Variants in TAS2R1 observed in about 807,000 individuals in gnomAD.
TAS2R1 encodes taste 2 receptor member 1.
For missense variants in TAS2R1, 370 were observed against 353.4 expected (o/e 1.05, Z -0.38); for synonymous variants, 141 against 134.2 (o/e 1.05, Z -0.35).
rs150232249 is a variant in TAS2R1 at position 9,654,284 on chromosome 5, G to T, written c.-81+5137C>A. On this transcript the variant is annotated intron_variant, in intron 2 of 2. Coordinates refer to the TAS2R1 transcript ENST00000506620. ...TGCTTTTTTAAAATAATAATAATAAGAAGAAGAATAAGAATATTTTGTGCT... is the reference window on the plus strand; with the variant it reads ...TGCTTTTTTAAAATAATAATAATAATAAGAAGAATAAGAATATTTTGTGCT... Among the ~76,000 whole-genome samples the T allele has an allele frequency of 7.6e-3, 1,162 of 152,122 alleles. 13 individuals carry two copies. Among genetic ancestry groups the T allele is most frequent in the African/African-American group, 0.022 (933 of 41,516 alleles).
the TAS2R1 span, among the ~76,000 whole-genome samples, chr5:9,857,946 C>T: frequency 2.6e-5 from 4 of 152,054 alleles, no homozygotes; most frequent in Non-Finnish European, 5.9e-5. Context: ...GTGCCTGGGT[C>T]TGCAGGTGCC....
the TAS2R1 span, among the ~76,000 whole-genome samples, chr5:9,787,101 G>A: frequency 6.6e-6 from 1 of 152,136 alleles, no homozygotes. Context: ...AAGAGACAGA[G>A]ATGTTGCGCC....
chr5:9,875,606 A>T, the TAS2R1 span, among the ~76,000 whole-genome samples: 1 of 152,156 alleles, frequency 6.6e-6, no homozygotes, highest in African/African-American at 2.4e-5. Context: ...GAGAAGGGAG[A>T]TCTGGTGCAC....
At chr5:9,780,850 C>A in the TAS2R1 span, among the ~76,000 whole-genome samples, 1 of 152,188 alleles carries the variant, frequency 6.6e-6, no homozygotes, top group Admixed American at 6.5e-5. Context: ...GAGGAATAGG[C>A]CTCATGCAAG....
the TAS2R1 span, among the ~76,000 whole-genome samples, chr5:9,833,716 T>C: frequency 6.6e-6 from 1 of 152,184 alleles, no homozygotes; most frequent in Non-Finnish European, 1.5e-5. Context: ...GAGTGAAACA[T>C]ATGAATATAA....
the TAS2R1 span, among the ~76,000 whole-genome samples, chr5:9,852,894 C>T: frequency 2.6e-5 from 4 of 152,024 alleles, no homozygotes. Flanking sequence ...GGCATCATTC[C>T]CAGTCAATGA....
intron 1 of TAS2R1, among the ~76,000 whole-genome samples, chr5:9,694,974 TC>T (rs1320938147): frequency 6.6e-6 from 1 of 152,226 alleles, no homozygotes; most frequent in Non-Finnish European, 1.5e-5. Context: ...AAATCCTTTC[TC>T]CTTCCAGTTC....
chr5:9,787,558 G>T, the TAS2R1 span, among the ~76,000 whole-genome samples: 1 of 152,300 alleles, frequency 6.6e-6, no homozygotes, highest in South Asian at 2.1e-4. Flanking sequence ...AATGTTTGCT[G>T]ATCTCTCTAA....
the TAS2R1 span, among the ~76,000 whole-genome samples, chr5:9,815,980 C>T: frequency 1.3e-5 from 2 of 152,200 alleles, no homozygotes; most frequent in African/African-American, 2.4e-5. Context: ...TATGTGTATG[C>T]CCTAACTAAT....
the TAS2R1 span, among the ~76,000 whole-genome samples, chr5:9,898,844 T>G: frequency 6.6e-6 from 1 of 152,144 alleles, no homozygotes; most frequent in Non-Finnish European, 1.5e-5. Flanking sequence ...ACCCACAATA[T>G]TCCAACGATC....
chr5:9,845,464 C>T, the TAS2R1 span, among the ~76,000 whole-genome samples: 1 of 152,064 alleles, frequency 6.6e-6, no homozygotes, highest in African/African-American at 2.4e-5. Context: ...GGGCAAGCTC[C>T]AGATTCAAGG....
chr5:9,763,559 G>A, the TAS2R1 span, among the ~76,000 whole-genome samples: 1 of 152,076 alleles, frequency 6.6e-6, no homozygotes, highest in Admixed American at 6.5e-5. Flanking sequence ...GCTAGAATTT[G>A]TTCTGTGACT....
the TAS2R1 span, among the ~76,000 whole-genome samples, chr5:9,752,613 T>C: frequency 6.6e-6 from 1 of 152,182 alleles, no homozygotes; most frequent in Non-Finnish European, 1.5e-5. Context: ...GTTTGTTACA[T>C]ATGTGTACAT....
At chr5:9,781,719 T>G in the TAS2R1 span, among the ~76,000 whole-genome samples, 1 of 152,242 alleles carries the variant, frequency 6.6e-6, no homozygotes, top group African/African-American at 2.4e-5. Context: ...TCCCTCTGCC[T>G]GGGATCTGCT....
chr5:9,842,372 G>C, the TAS2R1 span, among the ~76,000 whole-genome samples: 1 of 142,572 alleles, frequency 7.0e-6, no homozygotes, highest in Non-Finnish European at 1.5e-5. Flanking sequence ...CCAGGCTGGA[G>C]TGCAGTGGCA....
chr5:9,816,861 T>C, the TAS2R1 span, among the ~76,000 whole-genome samples: 7 of 152,276 alleles, frequency 4.6e-5, no homozygotes, highest in African/African-American at 1.7e-4. Context: ...TTTAAGACAA[T>C]GCAAAATAAA....
chr5:9,878,862 T>C, the TAS2R1 span, among the ~76,000 whole-genome samples: 2 of 152,232 alleles, frequency 1.3e-5, no homozygotes, highest in South Asian at 2.1e-4. Context: ...CCCTGTGTGG[T>C]CCTGAGTGAG....
chr5:9,775,692 G>A, the TAS2R1 span, among the ~76,000 whole-genome samples: 3 of 152,100 alleles, frequency 2.0e-5, no homozygotes, highest in Admixed American at 2.0e-4. Flanking sequence ...CTTCAAGGCA[G>A]TGGGTTCCCT....
chr5:9,755,218 G>GTACTTGGA, the TAS2R1 span, among the ~76,000 whole-genome samples: 2 of 152,152 alleles, frequency 1.3e-5, no homozygotes, highest in East Asian at 3.9e-4. Flanking sequence ...CGAGAGAGTA[G>GTACTTGGA]TACTTGGATA....
Sources: allele counts gnomAD v4.1 joint callset (sites outside exome capture counted in the v4.1 genomes callset), GRCh38; gene constraint gnomAD v4.1.1; transcripts MANE v1.5; gene names NCBI Gene and HGNC (gene_info 2026-07-23, HGNC 2026-07-21).